WNK2: variants seen among roughly 807,000 people sequenced by gnomAD.
WNK2 encodes the protein WNK lysine deficient protein kinase 2, also known as serine/threonine-protein kinase WNK2.
In WNK2, 67 loss-of-function variants were observed where a neutral mutation model predicts 192.1. That is an observed-to-expected ratio of 0.35 (90% CI 0.29 to 0.43). WNK2 has a LOEUF of 0.43. WNK2 is among the 20% of genes least tolerant of loss of function. The probability of loss-of-function intolerance (pLI) is 1.00; values close to 1 mark genes in which losing one functional copy is unlikely to be tolerated. For missense variants in WNK2, 2,698 were observed against 3,089.7 expected (o/e 0.87, Z 3.01); for synonymous variants, 1,439 against 1,393.9 (o/e 1.03, Z -0.72).
chr9:93,216,838 CAAACA>C (rs1158809934), intron 2 of WNK2, among the ~76,000 whole-genome samples: 28 of 151,130 alleles, frequency 1.9e-4, no homozygotes, highest in Middle Eastern at 3.4e-3. Context: ...AACAAACAAA[CAAACA>C]AAACAAAAAG....
intron 26 of WNK2, among the ~76,000 whole-genome samples, chr9:93,304,606 G>A (rs1852175479): frequency 6.6e-6 from 1 of 152,252 alleles, no homozygotes; most frequent in Non-Finnish European, 1.5e-5. Context: ...CAGGAGGTGG[G>A]GGTGCTTTTC....
intron 2 of WNK2, among the ~76,000 whole-genome samples, chr9:93,203,382 C>T (rs573544993): frequency 3.3e-5 from 5 of 152,220 alleles, no homozygotes; most frequent in South Asian, 2.1e-4. Flanking sequence ...GCTGGGGAGG[C>T]GCCTGCTGAG....
At chr9:93,208,146 C>T (rs1306645559) in intron 2 of WNK2, among the ~76,000 whole-genome samples, 1 of 152,188 alleles carries the variant, frequency 6.6e-6, no homozygotes, top group Non-Finnish European at 1.5e-5. Context: ...TGTGGCGGAG[C>T]CTGGAGCAGG....
chr9:93,292,746 T>A lies in WNK2; in HGVS notation c.5281T>A (p.Ser1761Thr), dbSNP rs890207643. 3.2e-6 allele frequency: 5 copies of A among 1,560,004 alleles called. No individual in the cohort carries two copies. The Admixed American group carries it at 7.6e-5, about 24-fold the overall frequency. ...CACTCAGGACGAGTGGACCCTGGCC[T>A]CCCCCCACAGCCTGAGATACTCTGC... is the stretch of plus-strand genomic sequence containing the variant. ...VSTQDEWTLASPHSLRYSAPP... is the reference protein window; with the variant it reads ...VSTQDEWTLATPHSLRYSAPP... Residue 1761 changes from serine (S) to threonine (T), a missense_variant, in exon 23 of 30, where the codon TCC becomes ACC. Ser to Thr is a moderately conservative substitution (Grantham distance 58, BLOSUM62 1). Around this residue, in one of 7 missense-constraint regions of WNK2, gnomAD observed 1,098 missense variants for 1,101.0 expected, o/e 1.00. Transcript: ENST00000427277.
chr9:93,292,351 A>G lies in WNK2; in HGVS notation c.4980A>G (p.Gly1660=). ...PRSMLGYDRD[G]RQVASDSHVV... is the part of the protein sequence containing the mutation. ...GTATGCTAGGCTATGACAGAGATGG[A>G]AGGCAGGTGGCCTCAGACTCCCATG... The change falls in exon 22 of 30, where the codon GGA becomes GGG. Residue 1660 remains glycine, a synonymous_variant. Coordinates refer to ENST00000427277, the MANE Select transcript of WNK2 (RefSeq NM_006648.4). The G allele has an allele frequency of 6.2e-7, 1 of 1,613,908 alleles. No homozygotes were observed. Among genetic ancestry groups the G allele is most frequent in the Non-Finnish European group, 8.5e-7 (1 of 1,179,870 alleles).
At chr9:93,317,374 C>T in intron 28 of WNK2, 146 bp from the exon 29 acceptor site, 3 of 709,038 alleles carry the variant, frequency 4.2e-6, no homozygotes, top group Non-Finnish European at 4.8e-6. Flanking sequence ...ATTCTGGTGT[C>T]AGCCCTGAGA....
chr9:93,294,431 G>A (rs887043867), intron 23 of WNK2, among the ~76,000 whole-genome samples: 1 of 152,204 alleles, frequency 6.6e-6, no homozygotes, highest in Non-Finnish European at 1.5e-5. Context: ...GCCAGAGAGT[G>A]GATGGAGCCC....
At chr9:93,245,999 A>G (rs1314127650) in intron 7 of WNK2, among the ~76,000 whole-genome samples, 3 of 152,220 alleles carry the variant, frequency 2.0e-5, no homozygotes, top group African/African-American at 7.2e-5. Context: ...AGGGAGCCAC[A>G]GAGGAGAAAC....
At chr9:93,274,784 C>A (rs566007416) in intron 19 of WNK2, among the ~76,000 whole-genome samples, 1 of 152,188 alleles carries the variant, frequency 6.6e-6, no homozygotes, top group South Asian at 2.1e-4. Flanking sequence ...TGTTAAAAAT[C>A]TCCCCAAAAA....
chr9:93,318,538 G>T (rs1337159936), intron 29 of WNK2: 1 of 1,614,120 alleles, frequency 6.2e-7, no homozygotes. Flanking sequence ...TGCCCCCCAT[G>T]CCAGTGGGCT....
intron 8 of WNK2, among the ~76,000 whole-genome samples, chr9:93,249,859 G>A (rs1395876546): frequency 6.7e-6 from 1 of 149,836 alleles, no homozygotes; most frequent in Non-Finnish European, 1.5e-5. Context: ...AAGGCCGGGA[G>A]GTAGCAAATC....
Position 93,247,613 on chromosome 9 carries a change from T to C in WNK2, c.1613T>C (p.Leu538Ser), listed in dbSNP as rs1202675507. The change falls in exon 8 of 30, where the codon TTG becomes TCG. Residue 538 changes from leucine (L) to serine (S), a missense_variant. Transcript: ENST00000427277. This position sits in a 1 kb window ranked among gnomAD's most constrained non-coding sequence, Gnocchi z 5.2. ...VAKSIRDRVA[L>S]IQWRRERIWP... ...AAGTCCATCCGTGACCGCGTGGCCTTGATCCAGTGGCGGCGGGAGAGGATC... is the reference window on the plus strand; with the variant it reads ...AAGTCCATCCGTGACCGCGTGGCCTCGATCCAGTGGCGGCGGGAGAGGATC... 1 of 1,604,024 alleles carries C rather than the reference T, an allele frequency of 6.2e-7. No individual in the cohort carries two copies. The highest frequency in any genetic ancestry group is 1.7e-5 in the Admixed American group (1 of 58,768).
In WNK2 at chr9:93,247,811, C is replaced by A; in HGVS notation, c.1811C>A (p.Pro604Gln). The A allele has an allele frequency of 6.5e-7, 1 of 1,540,900 alleles. No homozygotes were observed. ...ADQHLLPPTLPTSATSLASDS... is the reference protein window; with the variant it reads ...ADQHLLPPTLQTSATSLASDS... Reference sequence around the variant, plus strand: ...CAGCACCTCCTGCCACCTACGTTGCCGACCAGCGCCACCTCCCTGGCCTGT... The same window carrying A: ...CAGCACCTCCTGCCACCTACGTTGCAGACCAGCGCCACCTCCCTGGCCTGT... Residue 604 changes from proline (P) to glutamine (Q), a missense_variant, in exon 8 of 30, where the codon CCG (proline) becomes CAG (glutamine). Coordinates refer to ENST00000427277, the MANE Select transcript of WNK2 (RefSeq NM_006648.4). The surrounding 1 kb of genome is among the most constrained non-coding windows in gnomAD (Gnocchi z 5.2).
chr9:93,190,046 T>G (rs1314714297), intron 2 of WNK2, among the ~76,000 whole-genome samples: 2 of 152,196 alleles, frequency 1.3e-5, no homozygotes, highest in Non-Finnish European at 2.9e-5. Context: ...TTAATTTTAT[T>G]GGGAGAGTTG....
intron 8 of WNK2, among the ~76,000 whole-genome samples, chr9:93,252,256 A>T (rs1409008546): frequency 6.6e-6 from 1 of 152,102 alleles, no homozygotes; most frequent in Non-Finnish European, 1.5e-5. Context: ...TTTGGGTTTG[A>T]TGGGGACCAG....
chr9:93,249,864 C>A (rs1696801042), intron 8 of WNK2, among the ~76,000 whole-genome samples: 1 of 147,110 alleles, frequency 6.8e-6, no homozygotes, highest in South Asian at 2.1e-4. Context: ...CGGGAGGTAG[C>A]AAATCACTTC....
intron 19 of WNK2, among the ~76,000 whole-genome samples, chr9:93,286,854 G>A (rs1848510326): frequency 6.6e-6 from 1 of 152,200 alleles, no homozygotes; most frequent in African/African-American, 2.4e-5. Context: ...TACCATTTGC[G>A]ACGACATGGA....
intron 5 of WNK2, 114 bp from the exon 6 acceptor site, chr9:93,238,119 A>T: frequency 2.3e-6 from 2 of 862,260 alleles, no homozygotes; most frequent in Non-Finnish European, 3.8e-6. Flanking sequence ...TGTGCAGGTT[A>T]AGTCCAGTGC....
chr9:93,293,846 C>G (rs1246913181), intron 23 of WNK2, among the ~76,000 whole-genome samples: 2 of 152,030 alleles, frequency 1.3e-5, no homozygotes, highest in African/African-American at 2.4e-5. Context: ...CTCTCTCTCC[C>G]CTTTCATTCC....
Sources: gnomAD v4.1 joint callset for allele counts (sites outside exome capture counted in the v4.1 genomes callset) on GRCh38, gnomAD v4.1.1 for gene constraint, gnomAD v4.1.1 regional missense constraint, Gnocchi (gnomAD v3.1) non-coding constraint, MANE v1.5 for transcripts, NCBI Gene and HGNC (gene_info 2026-07-23, HGNC 2026-07-21) for gene names.